Variants in MIA3 observed in about 807,000 individuals in gnomAD.
MIA3 encodes MIA SH3 domain ER export factor 3, also known as transport and Golgi organization protein 1 homolog.
In MIA3, 90 loss-of-function variants were observed where a neutral mutation model predicts 192.4. That is an observed-to-expected ratio of 0.47 (90% CI 0.39 to 0.56). MIA3 has a LOEUF of 0.56. Among genes scored for constraint, MIA3 ranks in the 20% least tolerant of loss-of-function variants. The probability of loss-of-function intolerance (pLI) is 0.00; values close to 1 mark genes in which losing one functional copy is unlikely to be tolerated. For missense variants in MIA3, 2,123 were observed against 2,269.4 expected, an observed-to-expected ratio of 0.94 and a Z score of 1.31; for synonymous variants, 740 against 792.8, an observed-to-expected ratio of 0.93 and a Z score of 1.12.
At chr1:222,618,565 A>G (rs3008610) in intron 1 of MIA3, among the ~76,000 whole-genome samples, 122,798 of 152,072 alleles carry the variant, frequency 0.81, 50,457 homozygotes, top group Admixed American at 0.89. Context: ...GGCTTCCCCA[A>G]TAGTGGCTCA....
chr1:222,641,908 TAGATGAC>T (rs1662879152), intron 6 of MIA3: 3 of 433,524 alleles, frequency 6.9e-6, no homozygotes, highest in Admixed American at 5.3e-5. Flanking sequence ...TATCTATCTA[TAGATGAC>T]AGATAAACAG....
chr1:222,665,321 G>A lies in MIA3; in HGVS notation c.5426G>A (p.Arg1809His), dbSNP rs199708368. 2.9e-4 allele frequency: 461 copies of A among 1,608,868 alleles called. No individual in the cohort carries two copies. The highest frequency in any genetic ancestry group is 3.6e-4 in the Non-Finnish European group (429 of 1,177,872). ...PLPPPFGPGM[R>H]PPLGLREFAP... ...TTTTGTTTTCCAGGCCCTGGTATGCGTCCACCACTAGGCTTAAGAGAATTT... is the reference window on the plus strand; with the variant it reads ...TTTTGTTTTCCAGGCCCTGGTATGCATCCACCACTAGGCTTAAGAGAATTT... Residue 1809 changes from arginine (R) to histidine (H), a missense_variant, in exon 28 of 28, where the codon CGT (arginine) becomes CAT (histidine). Arg to His is a conservative substitution (Grantham distance 29). This residue lies in a region of MIA3 where 762 missense variants were observed against 856.4 expected (regional missense o/e 0.89). Coordinates refer to ENST00000344922, the MANE Select transcript of MIA3 (RefSeq NM_198551.4).
chr1:222,631,069 C>A (rs574563395), intron 4 of MIA3, among the ~76,000 whole-genome samples: 1 of 151,970 alleles, frequency 6.6e-6, no homozygotes, highest in East Asian at 1.9e-4. Flanking sequence ...CTTTTCTTTT[C>A]TTTCCCTTTG....
At chr1:222,646,608 C>T (rs1438195680) in intron 7 of MIA3, among the ~76,000 whole-genome samples, 5 of 151,718 alleles carry the variant, frequency 3.3e-5, no homozygotes, top group Non-Finnish European at 4.4e-5. Flanking sequence ...AAAACTTAGC[C>T]GGGGGTGGTG....
chr1:222,632,012 G>T (rs1473278348), intron 4 of MIA3, among the ~76,000 whole-genome samples, 153 bp from the exon 5 acceptor site: 4 of 152,156 alleles, frequency 2.6e-5, no homozygotes, highest in African/African-American at 9.7e-5. Context: ...TGGAATAAAA[G>T]AAACTGAAAC....
chr1:222,659,684 A>T (rs1461986852), intron 21 of MIA3, 27 bp downstream of exon 21: 1 of 1,613,796 alleles, frequency 6.2e-7, no homozygotes. Context: ...TCTTTCCCTT[A>T]TTTTGTGCAT....
intron 3 of MIA3, 96 bp downstream of exon 3, chr1:222,624,950 T>G (rs1383809820): frequency 3.2e-6 from 2 of 617,330 alleles, no homozygotes; most frequent in African/African-American, 1.9e-5. Context: ...TTAAATGAGA[T>G]TTTATCATAA....
At position 222,664,133 on chromosome 1, in the gene MIA3, C is replaced by T. The variant is rs1336856832; in HGVS notation, c.5398C>T (p.Leu1800Phe). 6.2e-7 allele frequency: 1 copy of T among 1,614,064 alleles called. No individual in the cohort carries two copies. The highest frequency in any genetic ancestry group is 1.3e-5 in the African/African-American group (1 of 74,934). Residue 1800 changes from leucine (L) to phenylalanine (F), a missense_variant, in exon 27 of 28, where the codon CTT (leucine) becomes TTT (phenylalanine). Physicochemically the swap from Leu to Phe is conservative, Grantham distance 22. Around this residue, in one of 3 missense-constraint regions of MIA3, gnomAD observed 762 missense variants for 856.4 expected, o/e 0.89. Transcript: ENST00000344922. ...CTGCGGACCTTTTGGGCCTCGGCCA[C>T]TTCCTCCACCCTTTGGTAAGATGAT... ...QLCGPFGPRP[L>F]PPPFGPGMRP...
intron 2 of MIA3, 94 bp from the exon 3 acceptor site, chr1:222,624,674 A>G (rs1413106474): frequency 4.5e-6 from 3 of 664,910 alleles, no homozygotes; most frequent in Non-Finnish European, 8.3e-6. Context: ...ATTGCTTGAT[A>G]TGTGCTGTAG....
intron 3 of MIA3, among the ~76,000 whole-genome samples, chr1:222,625,446 C>A (rs1662070008): frequency 6.6e-6 from 1 of 152,154 alleles, no homozygotes; most frequent in African/African-American, 2.4e-5. Context: ...TTGAAAACTA[C>A]TTATTGGATA....
chr1:222,648,420 T>C (rs1048378661), intron 7 of MIA3, among the ~76,000 whole-genome samples: 3 of 152,222 alleles, frequency 2.0e-5, no homozygotes, highest in Non-Finnish European at 4.4e-5. Context: ...TTTTGAGTAG[T>C]CGTTGTTTTT....
intron 2 of MIA3, among the ~76,000 whole-genome samples, chr1:222,622,446 G>T (rs1023302159): frequency 6.6e-6 from 1 of 151,328 alleles, no homozygotes; most frequent in Admixed American, 6.6e-5. Context: ...AGTTTTCACT[G>T]TCAGTAAAAC....
In MIA3 at chr1:222,650,798, A is replaced by G; in HGVS notation, c.3804A>G (p.Lys1268=). The G allele has an allele frequency of 6.2e-7, 1 of 1,604,088 alleles. No homozygotes were observed. The highest frequency in any genetic ancestry group is 8.5e-7 in the Non-Finnish European group (1 of 1,174,316). The part of the protein sequence containing the change: ...LSDEAIKYKD[K]IKTLEKNQEI... ...CCTTAATATCTTTTTTGTAGGATAAAATCAAGACACTTGAAAAAAATCAGG... is the reference window on the plus strand; with the variant it reads ...CCTTAATATCTTTTTTGTAGGATAAGATCAAGACACTTGAAAAAAATCAGG... Residue 1268 remains lysine, a synonymous_variant, in exon 11 of 28, where the codon AAA becomes AAG. Transcript: ENST00000344922.
At chr1:222,631,022 G>C (rs1001171688) in intron 4 of MIA3, among the ~76,000 whole-genome samples, 1 of 151,932 alleles carries the variant, frequency 6.6e-6, no homozygotes, top group Non-Finnish European at 1.5e-5. Flanking sequence ...CTAGTTCCTT[G>C]TTCTATTCTC....
At chr1:222,623,596 T>C (rs1380467396) in intron 2 of MIA3, among the ~76,000 whole-genome samples, 2 of 152,250 alleles carry the variant, frequency 1.3e-5, no homozygotes, top group Non-Finnish European at 2.9e-5. Flanking sequence ...ATTGCCCTTA[T>C]CTAATCTCCA....
intron 19 of MIA3, chr1:222,659,132 G>C (rs1158915360): frequency 3.6e-5 from 15 of 414,096 alleles, no homozygotes; most frequent in Middle Eastern, 6.4e-4. Flanking sequence ...CCTAACTTTG[G>C]GAAAATTTTT....
At chr1:222,625,574 A>C (rs1228869479) in intron 3 of MIA3, among the ~76,000 whole-genome samples, 1 of 152,220 alleles carries the variant, frequency 6.6e-6, no homozygotes, top group Non-Finnish European at 1.5e-5. Context: ...GTAGTGATTT[A>C]AGCGATTATA....
rs191160805 is a variant in MIA3 at position 222,632,870 on chromosome 1, A to G, written c.3332-234A>G. On this transcript the variant is annotated intron_variant, in intron 5 of 27. Transcript: ENST00000344922. The stretch of plus-strand genomic sequence containing the variant: ...TAAAATACAGTGAAGGGGTCCAAGT[A>G]TGTTTATAGCATAAGCTCATAGGAG... Among the ~76,000 whole-genome samples the G allele has an allele frequency of 2.3e-4, 35 of 152,356 alleles. No individual in the cohort carries two copies. In the South Asian group the frequency reaches 4.4e-3, roughly 19 times the overall value.
At chr1:222,660,548 A>G (rs1437752331) in intron 24 of MIA3, 1 of 327,124 alleles carries the variant, frequency 3.1e-6, no homozygotes, top group Non-Finnish European at 5.6e-6. Context: ...TTTACTCTGA[A>G]GTGTAAGCCC....
Sources: gnomAD v4.1 joint callset for allele counts (sites outside exome capture counted in the v4.1 genomes callset) on GRCh38, gnomAD v4.1.1 for gene constraint, gnomAD v4.1.1 regional missense constraint, MANE v1.5 for transcripts, NCBI Gene and HGNC (gene_info 2026-07-23, HGNC 2026-07-21) for gene names.